The following UNC13B variants were observed in gnomAD, a reference collection of about 807,000 sequenced individuals.
UNC13B encodes the protein protein unc-13 homolog B.
UNC13B carries 144 observed loss-of-function variants against 211.0 expected under a neutral mutation model. That is an observed-to-expected ratio of 0.68 (90% CI 0.60 to 0.78). The LOEUF (loss-of-function observed/expected upper bound fraction) is 0.78, where lower values mean the gene tolerates loss of function less well. Ranked by LOEUF, UNC13B falls within the 30% of genes least tolerant of loss-of-function variation. UNC13B has a pLI of 0.00. For synonymous variants in UNC13B, 709 were observed against 725.8 expected (o/e 0.98, Z 0.37); for missense variants, 1,777 against 2,002.0 (o/e 0.89, Z 2.14).
At chr9:35,196,516 A>G (rs775490356) in intron 1 of UNC13B, among the ~76,000 whole-genome samples, 16 of 152,062 alleles carry the variant, frequency 1.1e-4, no homozygotes, top group Non-Finnish European at 2.4e-4. Flanking sequence ...ATATTCTCCT[A>G]TTTCTGCCTT....
chr9:35,222,774 C>A (rs747042644), intron 1 of UNC13B, among the ~76,000 whole-genome samples: 1 of 152,180 alleles, frequency 6.6e-6, no homozygotes, highest in Non-Finnish European at 1.5e-5. Context: ...TATAATCACC[C>A]CAGTCTGTGA....
intron 6 of UNC13B, among the ~76,000 whole-genome samples, chr9:35,247,071 C>G (rs901237865): frequency 9.2e-5 from 14 of 152,114 alleles, no homozygotes; most frequent in Non-Finnish European, 1.9e-4. Context: ...TCCTTCACAT[C>G]CCTTGTAAGT....
At position 35,230,954 on chromosome 9, in the gene UNC13B, G is replaced by A. The variant is rs116577862; in HGVS notation, c.53-166G>A. On this transcript the variant is annotated intron_variant, in intron 2 of 39. Transcript: ENST00000635942. ...AGATAGCACGTAGTTTTATAATTTC[G>A]GCAACTCTGCTATGTCTTGAATGAG... Among the ~76,000 whole-genome samples, 490 of 152,008 alleles carry A rather than the reference G, an allele frequency of 3.2e-3. 2 individuals carry two copies. Among genetic ancestry groups the A allele is most frequent in the African/African-American group, 0.011 (466 of 41,434 alleles).
chr9:35,335,299 T>G (rs1831591338), intron 11 of UNC13B, among the ~76,000 whole-genome samples: 1 of 152,178 alleles, frequency 6.6e-6, no homozygotes, highest in Non-Finnish European at 1.5e-5. Context: ...ACTTGCTTCC[T>G]GTGTTTGCAA....
At chr9:35,327,555 T>G (rs1459484973) in intron 11 of UNC13B, among the ~76,000 whole-genome samples, 1 of 152,164 alleles carries the variant, frequency 6.6e-6, no homozygotes, top group Non-Finnish European at 1.5e-5. Flanking sequence ...TATTCCACCT[T>G]CTTCCACCTG....
At position 35,396,756 on chromosome 9, in the gene UNC13B, G is replaced by A. The variant is rs186014296; in HGVS notation, c.11436-85G>A. ...GTGTTAAACTGTGCCCTGCCATCCC[G>A]AGGACCCCAGTCTGGTGGAGCTGTC... On this transcript the variant is annotated intron_variant, in intron 27 of 39. Transcript: ENST00000635942. 109 of 1,600,650 alleles carry A rather than the reference G, an allele frequency of 6.8e-5. No individual in the cohort carries two copies. In the African/African-American group the frequency reaches 9.6e-4, roughly 14 times the overall value.
intron 37 of UNC13B, among the ~76,000 whole-genome samples, chr9:35,400,818 T>C (rs944780268): frequency 2.0e-5 from 3 of 152,208 alleles, no homozygotes; most frequent in African/African-American, 7.2e-5. Context: ...TGTGGAGCTT[T>C]GCTGGGAGTT....
intron 1 of UNC13B, among the ~76,000 whole-genome samples, chr9:35,186,999 T>C (rs561418409): frequency 1.3e-5 from 2 of 152,318 alleles, no homozygotes; most frequent in East Asian, 1.9e-4. Context: ...TTCCTTTTCG[T>C]TGGGAACCAT....
chr9:35,227,818 G>T lies in UNC13B; in HGVS notation c.23-197G>T, dbSNP rs192675204. The stretch of plus-strand genomic sequence containing the variant: ...ACAGAGATTTTTGCATTGGATATGA[G>T]ATCAGATTGACTTTTAAGGTCTCGT... On this transcript the variant is annotated intron_variant, in intron 1 of 39. Coordinates refer to ENST00000635942, the MANE Select transcript of UNC13B (RefSeq NM_001371189.2). 1.3e-5 allele frequency: 6 copies of T among 455,856 alleles called. No homozygotes were observed. In the East Asian group the frequency reaches 2.1e-4, roughly 16 times the overall value. The allele number at this position is 455,856 out of a possible 1,614,324, so 28.2% of individuals were successfully genotyped here.
intron 7 of UNC13B, among the ~76,000 whole-genome samples, chr9:35,286,836 A>G (rs1446416474): frequency 1.3e-5 from 2 of 152,166 alleles, no homozygotes; most frequent in Non-Finnish European, 2.9e-5. Context: ...TCGCAAATCC[A>G]CAGGGCAGAA....
intron 1 of UNC13B, among the ~76,000 whole-genome samples, chr9:35,227,204 G>A (rs1017712139): frequency 6.6e-6 from 1 of 152,170 alleles, no homozygotes; most frequent in Non-Finnish European, 1.5e-5. Flanking sequence ...CGTGTGAAAG[G>A]TACAGAATGA....
intron 13 of UNC13B, 87 bp from the exon 14 acceptor site, chr9:35,375,040 A>T (rs1834305795): frequency 3.8e-6 from 5 of 1,300,238 alleles, no homozygotes; most frequent in Middle Eastern, 2.1e-4. Context: ...AGCTATAGTC[A>T]AGTGGCTTTG....
chr9:35,332,348 C>G (rs1831421509), intron 11 of UNC13B, among the ~76,000 whole-genome samples: 1 of 152,196 alleles, frequency 6.6e-6, no homozygotes, highest in Admixed American at 6.5e-5. Flanking sequence ...GTTATTTTCA[C>G]TATAATTTCC....
intron 7 of UNC13B, among the ~76,000 whole-genome samples, chr9:35,259,963 A>G (rs1827167224): frequency 7.1e-6 from 1 of 140,184 alleles, no homozygotes; most frequent in Non-Finnish European, 1.5e-5. Context: ...GCACTTTGGA[A>G]GGCTGAGGCA....
intron 37 of UNC13B, 76 bp from the exon 38 acceptor site, chr9:35,403,091 G>A: frequency 1.5e-6 from 2 of 1,343,164 alleles, no homozygotes; most frequent in Admixed American, 1.7e-5. Context: ...TGGGTATAGG[G>A]TGGTGACCTC....
chr9:35,199,992 T>C (rs1249744065), intron 1 of UNC13B, among the ~76,000 whole-genome samples: 5 of 152,240 alleles, frequency 3.3e-5, no homozygotes, highest in Admixed American at 6.5e-5. Flanking sequence ...TGTAAGTCTT[T>C]CATCCATCTC....
chr9:35,364,473 T>C, intron 11 of UNC13B: 2 of 1,502,032 alleles, frequency 1.3e-6, no homozygotes, highest in Non-Finnish European at 1.8e-6. Context: ...GGCATTTTCT[T>C]TGGGTTCCCT....
chr9:35,176,318 C>T lies in UNC13B; in HGVS notation c.22+14013C>T, dbSNP rs143665655. 7.0e-3 allele frequency among the ~76,000 whole-genome samples: 1,061 copies of T among 151,920 alleles called. 3 individuals are homozygous for T. Among genetic ancestry groups the T allele is most frequent in the Non-Finnish European group, 0.011 (773 of 67,934 alleles). On this transcript the variant is annotated intron_variant, in intron 1 of 39. Coordinates refer to ENST00000635942, the MANE Select transcript of UNC13B (RefSeq NM_001371189.2). ...ATCCCAGCATTTTGGGAGGCTGAGG[C>T]GGGTAGATCACTTGAGATCAGGAGT...
chr9:35,295,941 A>G lies in UNC13B; in HGVS notation c.761+11A>G, dbSNP rs1439383078. 2.5e-6 allele frequency: 4 copies of G among 1,584,822 alleles called. No individual in the cohort carries two copies. The African/African-American group carries it at 4.0e-5, about 16-fold the overall frequency. ...GCGGCGGGCTATCAGGTGGGTATTGAGCACAAAGTACTTTCTCTTCCTAAT... is the reference window on the plus strand; with the variant it reads ...GCGGCGGGCTATCAGGTGGGTATTGGGCACAAAGTACTTTCTCTTCCTAAT... On this transcript the variant is annotated intron_variant, in intron 8 of 39. Coordinates refer to ENST00000635942, the MANE Select transcript of UNC13B (RefSeq NM_001371189.2).
Sources: allele counts gnomAD v4.1 joint callset (sites outside exome capture counted in the v4.1 genomes callset), GRCh38; gene constraint gnomAD v4.1.1; transcripts MANE v1.5; gene names NCBI Gene and HGNC (gene_info 2026-07-23, HGNC 2026-07-21).